Variants in RP1 observed in about 807,000 individuals in gnomAD.
RP1 encodes RP1 axonemal microtubule associated, also known as oxygen-regulated protein 1.
In RP1, 16 loss-of-function variants were observed where a neutral mutation model predicts 14.8. The ratio of observed to expected loss-of-function variants is 1.08; its 90% CI spans 0.73 to 1.65. The LOEUF (loss-of-function observed/expected upper bound fraction) is 1.65. Ranked by LOEUF, RP1 falls within the 40% of genes most tolerant of loss-of-function variation. RP1 has a pLI of 0.00. For synonymous variants in RP1, 876 were observed against 883.6 expected (o/e 0.99, Z 0.15); for missense variants, 2,631 against 2,535.0 (o/e 1.04, Z -0.81).
chr8:54,638,974 A>G (rs184409501), intron 3 of RP1, among the ~76,000 whole-genome samples: 6 of 151,796 alleles, frequency 4.0e-5, no homozygotes, highest in Admixed American at 3.3e-4. Context: ...TTTAAGTGTT[A>G]TGATTTGATG....
At chr8:54,863,134 G>T (rs1812388485) in intron 27 of RP1, among the ~76,000 whole-genome samples, 1 of 145,844 alleles carries the variant, frequency 6.9e-6, no homozygotes, top group African/African-American at 2.5e-5. Flanking sequence ...CATATATGAT[G>T]GTAGTCCCAT....
chr8:54,831,752 C>T (rs983153924), intron 24 of RP1, among the ~76,000 whole-genome samples: 3 of 151,588 alleles, frequency 2.0e-5, no homozygotes, highest in Non-Finnish European at 4.4e-5. Context: ...CCATGCTCCT[C>T]CTTTTTTGCT....
Position 54,695,454 on chromosome 8 carries a change from T to C in RP1, c.1718-4013T>C, listed in dbSNP as rs187245862. 3.8e-4 allele frequency among the ~76,000 whole-genome samples: 58 copies of C among 152,196 alleles called. No homozygotes were observed. The East Asian group carries it at 0.011, about 29-fold the overall frequency. On this transcript the variant is annotated intron_variant, in intron 12 of 22. Transcript: ENST00000636932. Reference sequence around the variant, plus strand: ...TTTTATAACAAAATATGTAAATTTTTATTATTTTAATTATTGAGTTCTTAC... The same window carrying C: ...TTTTATAACAAAATATGTAAATTTTCATTATTTTAATTATTGAGTTCTTAC...
intron 24 of RP1, among the ~76,000 whole-genome samples, chr8:54,810,921 C>T (rs562054540): frequency 4.6e-5 from 7 of 152,130 alleles, no homozygotes; most frequent in Admixed American, 1.3e-4. Flanking sequence ...TTCAAATCTG[C>T]GCAAATGCAT....
chr8:54,699,750 T>C (rs1398984204), intron 13 of RP1, among the ~76,000 whole-genome samples: 1 of 152,160 alleles, frequency 6.6e-6, no homozygotes. Flanking sequence ...ATTTCAGCAA[T>C]TGGAATTTAG....
chr8:54,580,066 A>T (rs1298367244), intron 1 of RP1, among the ~76,000 whole-genome samples: 2 of 152,200 alleles, frequency 1.3e-5, no homozygotes, highest in Non-Finnish European at 2.9e-5. Context: ...AGGCTTTTTT[A>T]GACAGATGAC....
intron 24 of RP1, among the ~76,000 whole-genome samples, chr8:54,787,907 G>A (rs1810364493): frequency 6.6e-6 from 1 of 152,172 alleles, no homozygotes; most frequent in Non-Finnish European, 1.5e-5. Flanking sequence ...TATGGATAAA[G>A]CACTTAACAT....
rs573603325 is a variant in RP1 at position 54,737,229 on chromosome 8, C to G, written c.2722-1714C>G. Among the ~76,000 whole-genome samples, 4 of 152,288 alleles carry G rather than the reference C, an allele frequency of 2.6e-5. No homozygotes were observed. The South Asian group carries it at 8.3e-4, about 32-fold the overall frequency. ...AAAGTAGACACTTAAAAGAGCCTTACCCTTCACAGGGTGACTGTGTGGATT... is the reference window on the plus strand; with the variant it reads ...AAAGTAGACACTTAAAAGAGCCTTAGCCTTCACAGGGTGACTGTGTGGATT... On this transcript the variant is annotated intron_variant, in intron 18 of 22. Coordinates refer to the RP1 transcript ENST00000636932.
Position 54,628,092 on chromosome 8 carries a change from A to C in RP1, c.4210A>C (p.Ser1404Arg). 6.2e-7 allele frequency: 1 copy of C among 1,614,068 alleles called. No homozygotes were observed. Among genetic ancestry groups the C allele is most frequent in the South Asian group, 1.1e-5 (1 of 91,080 alleles). ...TTTAAGCTCCTGTGGCCTTTGCCTA[A>C]GTGAAAAAGAAGCAGAACTTGATAA... ...SNLSSCGLCL[S>R]EKEAELDKKH... Residue 1404 changes from serine to arginine, a missense_variant, in exon 4 of 4, where the codon AGT becomes CGT. Coordinates refer to ENST00000220676, the MANE Select transcript of RP1 (RefSeq NM_006269.2).
chr8:54,575,735 G>C (rs1195192612), intron 1 of RP1, among the ~76,000 whole-genome samples: 2 of 152,098 alleles, frequency 1.3e-5, no homozygotes, highest in East Asian at 1.9e-4. Context: ...TTGTCACCCA[G>C]GTACTAAGCT....
chr8:54,767,856 G>A (rs1399538498), intron 22 of RP1, among the ~76,000 whole-genome samples: 1 of 152,248 alleles, frequency 6.6e-6, no homozygotes, highest in African/African-American at 2.4e-5. Context: ...TCCAGAGGAG[G>A]AAAGAACACT....
intron 25 of RP1, among the ~76,000 whole-genome samples, chr8:54,851,398 T>C (rs1372414754): frequency 6.6e-6 from 1 of 152,220 alleles, no homozygotes; most frequent in Non-Finnish European, 1.5e-5. Flanking sequence ...TCACTCTTCA[T>C]CTGAAATTTA....
chr8:54,589,908 C>G (rs902594856), intron 1 of RP1, among the ~76,000 whole-genome samples: 3 of 152,170 alleles, frequency 2.0e-5, no homozygotes, highest in Non-Finnish European at 2.9e-5. Context: ...AATCCTAATA[C>G]AGTTCCCTAG....
At chr8:54,669,751 A>C (rs928180572) in intron 7 of RP1, among the ~76,000 whole-genome samples, 3 of 152,128 alleles carry the variant, frequency 2.0e-5, no homozygotes, top group Non-Finnish European at 4.4e-5. Context: ...GCTGGAAACC[A>C]TCATTCTGAG....
At chr8:54,691,108 C>T (rs1223019400) in intron 12 of RP1, among the ~76,000 whole-genome samples, 1 of 152,118 alleles carries the variant, frequency 6.6e-6, no homozygotes, top group Middle Eastern at 3.4e-3. Flanking sequence ...AGTAGAAACA[C>T]TTTGGCAGCT....
chr8:54,627,601 C>G lies in RP1; in HGVS notation c.3719C>G (p.Ser1240Cys). 1 of 1,614,194 alleles carries G rather than the reference C, an allele frequency of 6.2e-7. No homozygotes were observed. Among genetic ancestry groups the G allele is most frequent in the Non-Finnish European group, 8.5e-7 (1 of 1,179,984 alleles). ...QGISSLDGGC[S>C]ASEACAPEVC... ...ATCTCCTCTTTGGATGGAGGTTGCT[C>G]TGCCAGTGAGGCATGTGCCCCTGAA... The change falls in exon 4 of 4, where the codon TCT (serine) becomes TGT (cysteine). Residue 1240 changes from serine (S) to cysteine (C), a missense_variant. Ser to Cys is a moderately radical substitution (Grantham distance 112, BLOSUM62 -1). Coordinates refer to ENST00000220676, the MANE Select transcript of RP1 (RefSeq NM_006269.2).
chr8:54,823,588 C>T (rs1327746906), intron 24 of RP1, among the ~76,000 whole-genome samples: 1 of 152,126 alleles, frequency 6.6e-6, no homozygotes, highest in Non-Finnish European at 1.5e-5. Context: ...CGTTGGCCTC[C>T]AAAAATACTG....
chr8:54,804,067 CA>C (rs555030749), intron 24 of RP1, among the ~76,000 whole-genome samples: 6 of 142,320 alleles, frequency 4.2e-5, no homozygotes, highest in Non-Finnish European at 6.1e-5. Flanking sequence ...GACTCTATCT[CA>C]AAAAAAATAA....
chr8:54,728,961 A>C (rs1265821442), intron 17 of RP1, among the ~76,000 whole-genome samples: 4 of 152,170 alleles, frequency 2.6e-5, no homozygotes, highest in Non-Finnish European at 4.4e-5. Flanking sequence ...TCCTCATTTA[A>C]TTATTTTAAA....
Sources: gnomAD v4.1 joint callset for allele counts (sites outside exome capture counted in the v4.1 genomes callset) on GRCh38, gnomAD v4.1.1 for gene constraint, MANE v1.5 for transcripts, NCBI Gene and HGNC (gene_info 2026-07-23, HGNC 2026-07-21) for gene names.